SGMS1: variants seen among roughly 807,000 people sequenced by gnomAD.
SGMS1 encodes phosphatidylcholine:ceramide cholinephosphotransferase 1.
Under a neutral mutation model 46.2 loss-of-function variants are expected in SGMS1, and 13 were observed. That is an observed-to-expected ratio of 0.28 (90% CI 0.18 to 0.45). The LOEUF (loss-of-function observed/expected upper bound fraction) is 0.45, where lower values mean the gene tolerates loss of function less well. Ranked by LOEUF, SGMS1 falls within the 20% of genes least tolerant of loss-of-function variation. The probability of loss-of-function intolerance (pLI) is 1.00; values close to 1 mark genes in which losing one functional copy is unlikely to be tolerated. For missense variants in SGMS1, 324 were observed against 519.9 expected, an observed-to-expected ratio of 0.62 and a Z score of 3.66; for synonymous variants, 203 against 187.8, an observed-to-expected ratio of 1.08 and a Z score of -0.66.
chr10:50,320,260 G>A (rs971966735), intron 8 of SGMS1, among the ~76,000 whole-genome samples: 1 of 152,116 alleles, frequency 6.6e-6, no homozygotes, highest in African/African-American at 2.4e-5. Flanking sequence ...TCTCCCTCAC[G>A]TGAGTACCAA....
chr10:50,603,454 G>A (rs888626368), intron 1 of SGMS1, among the ~76,000 whole-genome samples: 5 of 152,112 alleles, frequency 3.3e-5, no homozygotes, highest in Non-Finnish European at 7.4e-5. Context: ...CTTACTTATC[G>A]TAAACTTCTG....
At chr10:50,332,135 G>T (rs1847633472) in intron 7 of SGMS1, among the ~76,000 whole-genome samples, 1 of 152,080 alleles carries the variant, frequency 6.6e-6, no homozygotes, top group African/African-American at 2.4e-5. Context: ...AGACCCTGAG[G>T]CCCTATATCT....
At chr10:50,512,097 A>C (rs1837761185) in intron 3 of SGMS1, among the ~76,000 whole-genome samples, 1 of 152,314 alleles carries the variant, frequency 6.6e-6, no homozygotes, top group Non-Finnish European at 1.5e-5. Flanking sequence ...CAGATGGGTC[A>C]TAATAGGAAA....
intron 6 of SGMS1, among the ~76,000 whole-genome samples, chr10:50,378,743 G>A (rs968178840): frequency 1.3e-5 from 2 of 152,150 alleles, no homozygotes; most frequent in Admixed American, 1.3e-4. Flanking sequence ...CACTACTAGT[G>A]TCTAGTGAAT....
chr10:50,414,878 C>T (rs537415423), intron 6 of SGMS1, among the ~76,000 whole-genome samples: 1 of 152,370 alleles, frequency 6.6e-6, no homozygotes, highest in South Asian at 2.1e-4. Flanking sequence ...CGCCACTGAT[C>T]ATCCCTCTTT....
chr10:50,398,193 A>C lies in SGMS1; in HGVS notation c.-232+35283T>G, dbSNP rs536082146. Among the ~76,000 whole-genome samples the C allele has an allele frequency of 2.0e-5, 3 of 152,328 alleles. No homozygotes were observed. The East Asian group carries it at 5.8e-4, about 29-fold the overall frequency. On this transcript the variant is annotated intron_variant, in intron 6 of 10. Coordinates refer to ENST00000361781, the MANE Select transcript of SGMS1 (RefSeq NM_147156.4). ...TAGAGGTCTTCAGAAAACAGTAATT[A>C]TTCACGTGCAATGACAAAAAATAAA...
At chr10:50,440,309 C>G (rs764847179) in intron 5 of SGMS1, among the ~76,000 whole-genome samples, 6 of 150,936 alleles carry the variant, frequency 4.0e-5, no homozygotes, top group African/African-American at 7.3e-5. Flanking sequence ...TTTAAAGTGG[C>G]CTTTCACTCA....
chr10:50,583,134 A>G (rs1210081412), intron 2 of SGMS1, among the ~76,000 whole-genome samples: 1 of 152,162 alleles, frequency 6.6e-6, no homozygotes, highest in Non-Finnish European at 1.5e-5. Flanking sequence ...GAGAAAACTG[A>G]GATACAAAGA....
At chr10:50,554,266 T>C (rs539126731) in intron 2 of SGMS1, among the ~76,000 whole-genome samples, 1 of 152,292 alleles carries the variant, frequency 6.6e-6, no homozygotes, top group Non-Finnish European at 1.5e-5. Flanking sequence ...CAGTACTCAT[T>C]GTCAGTAAAT....
chr10:50,624,192 A>T, upstream of SGMS1: 3 of 893,168 alleles, frequency 3.4e-6, no homozygotes, highest in South Asian at 5.1e-5. Flanking sequence ...CAGCGTTTTT[A>T]GGGGCCCACT....
intron 6 of SGMS1, among the ~76,000 whole-genome samples, chr10:50,429,333 T>C (rs979943813): frequency 2.6e-5 from 4 of 152,200 alleles, no homozygotes; most frequent in African/African-American, 9.6e-5. Flanking sequence ...TAGTATTCAG[T>C]AGAGCAACAT....
At chr10:50,366,451 G>C (rs1045619423) in intron 6 of SGMS1, among the ~76,000 whole-genome samples, 2 of 152,162 alleles carry the variant, frequency 1.3e-5, no homozygotes, top group Admixed American at 1.3e-4. Flanking sequence ...CCATTACTGG[G>C]CATATACCCA....
chr10:50,451,595 T>C (rs576801639), intron 5 of SGMS1, among the ~76,000 whole-genome samples: 4 of 152,194 alleles, frequency 2.6e-5, no homozygotes, highest in Non-Finnish European at 4.4e-5. Flanking sequence ...CAGAGAGGAC[T>C]ACTTGCATTA....
intron 6 of SGMS1, among the ~76,000 whole-genome samples, chr10:50,430,190 C>G (rs568075430): frequency 2.0e-5 from 3 of 151,982 alleles, no homozygotes; most frequent in Admixed American, 6.6e-5. Context: ...ATGAGTGCAC[C>G]ATGATGTTAC....
chr10:50,354,762 C>T (rs1433627027), intron 6 of SGMS1, among the ~76,000 whole-genome samples: 8 of 152,060 alleles, frequency 5.3e-5, no homozygotes, highest in African/African-American at 1.9e-4. Context: ...ACAAACAACC[C>T]CATCAAAAAG....
rs1229898460 is a variant in SGMS1, at chr10:50,434,722, A to C, written c.-312-1166T>G. ...AAACCCTGTCTCTACTAAAAATACA[A>C]AAAAAAAAAAAAATTAGCCAGGCGT... On this transcript the variant is annotated intron_variant, in intron 5 of 10. Coordinates refer to ENST00000361781, the MANE Select transcript of SGMS1 (RefSeq NM_147156.4). 4.0e-5 allele frequency among the ~76,000 whole-genome samples: 5 copies of C among 124,518 alleles called. No individual in the cohort carries two copies. In the East Asian group the frequency reaches 1.4e-3, roughly 34 times the overall value. 81.7% of individuals were successfully genotyped at this position (124,518 alleles called of 152,430 possible). A position where few individuals can be genotyped will look rare whatever the true frequency, so the allele number is the denominator to read the frequency against.
chr10:50,477,998 C>CT (rs1186610727), intron 3 of SGMS1, among the ~76,000 whole-genome samples: 94 of 152,162 alleles, frequency 6.2e-4, no homozygotes, highest in African/African-American at 2.1e-3. Context: ...CAGAGTGATA[C>CT]AGATGGTAAT....
At chr10:50,444,808 A>G (rs1189158053) in intron 5 of SGMS1, among the ~76,000 whole-genome samples, 1 of 152,174 alleles carries the variant, frequency 6.6e-6, no homozygotes, top group Non-Finnish European at 1.5e-5. Context: ...ACGTAGAACA[A>G]TGGCTTTGCA....
intron 2 of SGMS1, among the ~76,000 whole-genome samples, chr10:50,587,731 G>GAAAATA: frequency 6.8e-6 from 1 of 147,760 alleles, no homozygotes; most frequent in South Asian, 2.2e-4. Flanking sequence ...GCTATTACTA[G>GAAAATA]TTACATTTTC....
Sources: allele counts gnomAD v4.1 joint callset (sites outside exome capture counted in the v4.1 genomes callset), GRCh38; gene constraint gnomAD v4.1.1; transcripts MANE v1.5; gene names NCBI Gene and HGNC (gene_info 2026-07-23, HGNC 2026-07-21).